TLE5: variants seen among roughly 807,000 people sequenced by gnomAD.
The protein encoded by TLE5 is TLE family member 5, transcriptional modulator.
A neutral mutation model predicts 25.8 loss-of-function variants in TLE5; 7 were observed. That is an observed-to-expected ratio of 0.27 (90% CI 0.15 to 0.51). TLE5 has a LOEUF of 0.51. Ranked by LOEUF, TLE5 falls within the 20% of genes least tolerant of loss-of-function variation. The pLI, the probability that TLE5 is intolerant of heterozygous loss-of-function variation, is 0.97. For synonymous variants in TLE5, 132 were observed against 110.5 expected (o/e 1.20, Z -1.22); for missense variants, 149 against 250.7 (o/e 0.59, Z 2.74).
At chr19:3,061,110 G>A in intron 2 of TLE5, 50 bp downstream of exon 2, 1 of 1,391,390 alleles carries the variant, frequency 7.2e-7, no homozygotes. Flanking sequence ...CAGAAGAAAT[G>A]GGGGGACTCA....
In TLE5 at chr19:3,057,749, A is replaced by C. The variant is rs775229552; in HGVS notation, c.126-7T>G. ...GTCACATTCGAGCTTGAGGCTGAGGAGGCACAGGGGGGAGATGGGGTGGTT... is the reference window on the plus strand; with the variant it reads ...GTCACATTCGAGCTTGAGGCTGAGGCGGCACAGGGGGGAGATGGGGTGGTT... On this transcript the variant is annotated splice_polypyrimidine_tract_variant and splice_region_variant and intron_variant, in intron 2 of 6. Transcript: ENST00000327141. The C allele has an allele frequency of 1.2e-6, 2 of 1,613,320 alleles. No individual in the cohort carries two copies. Among genetic ancestry groups the C allele is most frequent in the Non-Finnish European group, 1.7e-6 (2 of 1,179,880 alleles).
chr19:3,054,444 T>C, intron 5 of TLE5: 1 of 585,330 alleles, frequency 1.7e-6, no homozygotes, highest in Non-Finnish European at 3.1e-6. Flanking sequence ...AAGGGTTTTG[T>C]GCTAAGTAGT....
intron 2 of TLE5, among the ~76,000 whole-genome samples, chr19:3,060,621 C>T (rs2145265633): frequency 6.6e-6 from 1 of 152,232 alleles, no homozygotes; most frequent in Middle Eastern, 3.4e-3. Context: ...CATGAGCCAC[C>T]ACGCCTGGCC....
intron 1 of TLE5, 116 bp from the exon 2 acceptor site, chr19:3,061,373 G>T: frequency 1.4e-6 from 1 of 739,046 alleles, no homozygotes; most frequent in Non-Finnish European, 2.2e-6. Flanking sequence ...CCCACTTCCT[G>T]GGCCCGTGTT....
upstream of TLE5, chr19:3,062,641 G>A (rs1023714098): frequency 1.7e-6 from 2 of 1,203,316 alleles, no homozygotes; most frequent in African/African-American, 3.2e-5. Flanking sequence ...GCCCGCCGCG[G>A]TGACCTTGGG....
intron 6 of TLE5, 34 bp downstream of exon 6, chr19:3,054,086 T>TCGGGGGGGGGGGGG: frequency 2.0e-6 from 3 of 1,512,784 alleles, no homozygotes; most frequent in Non-Finnish European, 2.7e-6. Context: ...GGCCCACCTG[T>TCGGGGGGGGGGGGG]CCCCCGCCCA....
chr19:3,062,635 G>T, upstream of TLE5: 1 of 1,185,780 alleles, frequency 8.4e-7, no homozygotes. Flanking sequence ...TGGCCCGCCC[G>T]CCGCGGTGAC....
At chr19:3,061,361 G>A in intron 1 of TLE5, 104 bp from the exon 2 acceptor site, 7 of 827,462 alleles carry the variant, frequency 8.5e-6, no homozygotes, top group Non-Finnish European at 1.4e-5. Context: ...CCCCCCTCCT[G>A]CCCCACTTCC....
chr19:3,058,114 G>A (rs2090235886), intron 2 of TLE5, among the ~76,000 whole-genome samples: 1 of 152,110 alleles, frequency 6.6e-6, no homozygotes. Flanking sequence ...GATGCTGCGG[G>A]GAGGGGAGAG....
chr19:3,056,248 GC>G (rs1377651393), intron 4 of TLE5, 63 bp downstream of exon 4: 4 of 1,247,050 alleles, frequency 3.2e-6, no homozygotes, highest in African/African-American at 1.6e-5. Context: ...CCAAGGCGGG[GC>G]TGGAGGTGGG....
At chr19:3,062,727 C>A (rs1184605304), upstream of TLE5, 3 of 1,536,950 alleles carry the variant, frequency 2.0e-6, no homozygotes, top group South Asian at 3.6e-5. Context: ...CTCGGTTTCC[C>A]CATCTGTCAA....
In TLE5 at chr19:3,053,479, A is replaced by T. The variant is rs1407125538; in HGVS notation, c.*340T>A. 1 of 365,572 alleles carries T rather than the reference A, an allele frequency of 2.7e-6. No homozygotes were observed. Among genetic ancestry groups the T allele is most frequent in the Admixed American group, 4.3e-5 (1 of 23,406 alleles). 22.6% of individuals were successfully genotyped at this position (365,572 alleles called of 1,614,324 possible). On this transcript the variant is annotated 3_prime_UTR_variant, in exon 7 of 7. Coordinates refer to ENST00000327141, the MANE Select transcript of TLE5 (RefSeq NM_001130.6). ...GCAGACTGTCGGTTACACATGTTCA[A>T]AACGGGGGAAGGGCCGGGGCTGCTG...
chr19:3,053,694 C>A lies in TLE5; in HGVS notation c.*125G>T. ...GGGCTGGGGCCCCCGCCGGCGGCCA[C>A]CATAAATACTATGGGAGTTTAGCCA... On this transcript the variant is annotated 3_prime_UTR_variant, in exon 7 of 7. Coordinates refer to ENST00000327141, the MANE Select transcript of TLE5 (RefSeq NM_001130.6). 1 of 1,172,626 alleles carries A rather than the reference C, an allele frequency of 8.5e-7. No individual in the cohort carries two copies. The highest frequency in any genetic ancestry group is 1.2e-6 in the Non-Finnish European group (1 of 847,356). 72.6% of individuals were successfully genotyped at this position (1,172,626 alleles called of 1,614,324 possible).
At position 3,054,044 on chromosome 19, in the gene TLE5, C is replaced by T. The variant is rs1432282501; in HGVS notation, c.373-4G>A. The T allele has an allele frequency of 6.3e-7, 1 of 1,582,932 alleles. No individual in the cohort carries two copies. Among genetic ancestry groups the T allele is most frequent in the Admixed American group, 1.8e-5 (1 of 54,772 alleles). Reference sequence around the variant, plus strand: ...GCTGGTGGGCTTGGAGCTGCTGCTGCAGGGCGGGGGAGGGGAACATTAGCT... The same window carrying T: ...GCTGGTGGGCTTGGAGCTGCTGCTGTAGGGCGGGGGAGGGGAACATTAGCT... On this transcript the variant is annotated splice_polypyrimidine_tract_variant and splice_region_variant and intron_variant, in intron 6 of 6. Transcript: ENST00000327141.
intron 1 of TLE5, 45 bp from the exon 2 acceptor site, chr19:3,061,302 AC>A: frequency 2.0e-6 from 3 of 1,511,772 alleles, no homozygotes; most frequent in Non-Finnish European, 2.7e-6. Context: ...CGTGGGCTGG[AC>A]CCCCCTCAAG....
intron 5 of TLE5, 64 bp from the exon 6 acceptor site, chr19:3,054,258 G>A: frequency 5.2e-6 from 8 of 1,526,740 alleles, no homozygotes; most frequent in Non-Finnish European, 7.2e-6. Flanking sequence ...AGGAGAGGGG[G>A]ACGGCCCTGA....
rs564992083 is a variant in TLE5 at position 3,062,166 on chromosome 19, C to T, written c.27+8G>A. On this transcript the variant is annotated splice_region_variant and intron_variant, in intron 1 of 6. Transcript: ENST00000327141. ...GGTGGGGGCGCCGGCCGGACGGGCC[C>T]CGCTTACCGAATGCCTGCTTTGTGG... The T allele has an allele frequency of 4.2e-4, 493 of 1,165,582 alleles. 2 individuals carry two copies. The African/African-American group carries it at 7.2e-3, about 17-fold the overall frequency. The allele number at this position is 1,165,582 out of a possible 1,614,324, so 72.2% of individuals were successfully genotyped here. A position where few individuals can be genotyped will look rare whatever the true frequency, so the allele number is the denominator to read the frequency against.
Position 3,062,307 on chromosome 19 carries a change from C to A in TLE5, c.-107G>T. On this transcript the variant is annotated 5_prime_UTR_variant, in exon 1 of 7. Coordinates refer to ENST00000327141, the MANE Select transcript of TLE5 (RefSeq NM_001130.6). ...TTTGTCCCGGCGCCGATCGGCAGCT[C>A]CCGGGGCCGCCGCCGCCTCCCGCGC... is the stretch of plus-strand genomic sequence containing the variant. The A allele has an allele frequency of 4.1e-6, 4 of 980,644 alleles. No homozygotes were observed. The highest frequency in any genetic ancestry group is 4.8e-6 in the Non-Finnish European group (4 of 828,276). 60.7% of individuals were successfully genotyped at this position (980,644 alleles called of 1,614,324 possible).
At chr19:3,061,583 A>AG (rs2090268661) in intron 1 of TLE5, among the ~76,000 whole-genome samples, 1 of 150,952 alleles carries the variant, frequency 6.6e-6, no homozygotes, top group East Asian at 2.0e-4. Flanking sequence ...TGCACATCCG[A>AG]GGGGGGTAGA....
Sources: gnomAD v4.1 joint callset for allele counts (sites outside exome capture counted in the v4.1 genomes callset) on GRCh38, gnomAD v4.1.1 for gene constraint, MANE v1.5 for transcripts, NCBI Gene and HGNC (gene_info 2026-07-23, HGNC 2026-07-21) for gene names.